SPAG1: variants seen among roughly 807,000 people sequenced by gnomAD.
SPAG1 encodes sperm-associated antigen 1.
Under a neutral mutation model 100.5 loss-of-function variants are expected in SPAG1, and 69 were observed. The observed-to-expected ratio is 0.69, with a 90% confidence interval of 0.57 to 0.84. The LOEUF (loss-of-function observed/expected upper bound fraction) is 0.84. Ranked by LOEUF, SPAG1 falls within the 40% of genes least tolerant of loss-of-function variation. The pLI is 0.00. For synonymous variants in SPAG1, 336 were observed against 411.6 expected (o/e 0.82, Z 2.22); for missense variants, 955 against 1,133.1 (o/e 0.84, Z 2.26).
chr8:100,224,026 C>A (rs933808265), intron 13 of SPAG1, among the ~76,000 whole-genome samples: 1 of 152,078 alleles, frequency 6.6e-6, no homozygotes, highest in Non-Finnish European at 1.5e-5. Flanking sequence ...GCCAGTAAAC[C>A]AATTCAGTCT....
intron 14 of SPAG1, 143 bp downstream of exon 14, chr8:100,225,482 T>C: frequency 2.7e-6 from 2 of 751,056 alleles, no homozygotes; most frequent in Non-Finnish European, 4.2e-6. Flanking sequence ...ATTTTATTAT[T>C]ATTTTGAGAC....
At position 100,183,236 on chromosome 8, in the gene SPAG1, G is replaced by A. The variant is rs1329742258; in HGVS notation, c.427-139G>A. ...GAGCTGTCCACCTCAGCCTCCCAAA[G>A]TGCTGGGATTACAGGCGTGAGTCCC... On this transcript the variant is annotated intron_variant, in intron 4 of 18. Coordinates refer to ENST00000388798, the MANE Select transcript of SPAG1 (RefSeq NM_003114.5). 1.1e-5 allele frequency: 5 copies of A among 467,352 alleles called. No homozygotes were observed. In the Admixed American group the frequency reaches 1.2e-4, roughly 11 times the overall value. The allele number at this position is 467,352 out of a possible 1,614,324, so 29.0% of individuals were successfully genotyped here. A position where few individuals can be genotyped will look rare whatever the true frequency, so the allele number is the denominator to read the frequency against.
chr8:100,194,413 C>T, intron 10 of SPAG1, 145 bp downstream of exon 10: 1 of 1,169,460 alleles, frequency 8.6e-7, no homozygotes. Context: ...TTTCGCTCAT[C>T]TTTTTCTTAA....
At chr8:100,218,739 G>T (rs1424152637) in intron 12 of SPAG1, among the ~76,000 whole-genome samples, 3 of 152,188 alleles carry the variant, frequency 2.0e-5, no homozygotes, top group Non-Finnish European at 4.4e-5. Context: ...GAGAAGTGAA[G>T]CAGATTAGGT....
intron 3 of SPAG1, among the ~76,000 whole-genome samples, chr8:100,173,330 C>A (rs1411670016): frequency 6.6e-6 from 1 of 152,034 alleles, no homozygotes; most frequent in African/African-American, 2.4e-5. Context: ...CACTTGTCCC[C>A]TTTTCTCCAT....
chr8:100,191,326 A>G, intron 8 of SPAG1, 64 bp from the exon 9 acceptor site: 2 of 1,153,472 alleles, frequency 1.7e-6, no homozygotes, highest in Non-Finnish European at 2.6e-6. Context: ...TCCACTTGCC[A>G]AATATGTTGT....
chr8:100,162,700 G>A (rs1413367769), intron 2 of SPAG1, among the ~76,000 whole-genome samples: 2 of 152,146 alleles, frequency 1.3e-5, no homozygotes, highest in Non-Finnish European at 2.9e-5. Context: ...CATTAGGATG[G>A]GCTGTGATGG....
rs746103419 is a variant in SPAG1, at chr8:100,227,911, A to G, written c.1855+2572A>G. On this transcript the variant is annotated intron_variant, in intron 14 of 18. Transcript: ENST00000388798. ...GCGCAGGCTGGGGTGCAGTGGTGCAATTTTGGCTCACTGCTGCCTCGACCT... is the reference window on the plus strand; with the variant it reads ...GCGCAGGCTGGGGTGCAGTGGTGCAGTTTTGGCTCACTGCTGCCTCGACCT... Among the ~76,000 whole-genome samples the G allele has an allele frequency of 2.1e-5, 3 of 140,676 alleles. No homozygotes were observed. The East Asian group carries it at 6.2e-4, about 29-fold the overall frequency. 92.3% of individuals were successfully genotyped at this position (140,676 alleles called of 152,430 possible).
At chr8:100,180,361 C>A (rs964113133) in intron 4 of SPAG1, among the ~76,000 whole-genome samples, 4 of 152,062 alleles carry the variant, frequency 2.6e-5, no homozygotes, top group Non-Finnish European at 4.4e-5. Flanking sequence ...CAAATTAGGG[C>A]TTGAGGTATT....
At chr8:100,212,275 A>G (rs1817748712) in intron 10 of SPAG1, among the ~76,000 whole-genome samples, 1 of 152,228 alleles carries the variant, frequency 6.6e-6, no homozygotes, top group Non-Finnish European at 1.5e-5. Flanking sequence ...TGGAAAATAT[A>G]TCCATTAAGA....
intron 12 of SPAG1, among the ~76,000 whole-genome samples, chr8:100,216,140 T>C (rs540911020): frequency 3.1e-4 from 47 of 152,296 alleles, no homozygotes; most frequent in African/African-American, 1.1e-3. Context: ...CTTTTTTCTT[T>C]ACCCAGAGAG....
chr8:100,164,580 A>G (rs1236748487), intron 2 of SPAG1, among the ~76,000 whole-genome samples: 3 of 152,092 alleles, frequency 2.0e-5, no homozygotes. Flanking sequence ...GCCTGCCACC[A>G]CGCCCGGCTA....
At chr8:100,168,944 C>T (rs1163362350) in intron 3 of SPAG1, among the ~76,000 whole-genome samples, 1 of 151,832 alleles carries the variant, frequency 6.6e-6, no homozygotes, top group Non-Finnish European at 1.5e-5. Context: ...ATCTCGGCCT[C>T]CCAAAGTGCG....
intron 15 of SPAG1, among the ~76,000 whole-genome samples, chr8:100,232,258 G>A (rs1818808050): frequency 2.0e-5 from 3 of 152,238 alleles, no homozygotes; most frequent in South Asian, 2.1e-4. Context: ...TGCGGAGGAG[G>A]AGGCTGGCAG....
At chr8:100,213,493 C>A (rs971755065) in intron 11 of SPAG1, 65 bp downstream of exon 11, 2 of 1,256,022 alleles carry the variant, frequency 1.6e-6, no homozygotes, top group African/African-American at 1.6e-5. Context: ...ACCTCCGGGG[C>A]CCCCGTGGGA....
chr8:100,165,517 G>A (rs1815508955), intron 2 of SPAG1: 2 of 369,504 alleles, frequency 5.4e-6, no homozygotes, highest in East Asian at 6.4e-5. Flanking sequence ...CCAACTCCGC[G>A]GAGCAACCCC....
At chr8:100,185,932 C>A (rs1362333769) in intron 7 of SPAG1, among the ~76,000 whole-genome samples, 1 of 152,004 alleles carries the variant, frequency 6.6e-6, no homozygotes, top group African/African-American at 2.4e-5. Context: ...ACCAGAGATT[C>A]TCTTGTCTAT....
chr8:100,185,725 T>A (rs1285196129), intron 7 of SPAG1, among the ~76,000 whole-genome samples: 1 of 152,228 alleles, frequency 6.6e-6, no homozygotes, highest in Non-Finnish European at 1.5e-5. Context: ...CTCTGTACAA[T>A]CTTTTTTCCA....
At chr8:100,238,670 T>A (rs753492004) in intron 16 of SPAG1, among the ~76,000 whole-genome samples, 3 of 152,224 alleles carry the variant, frequency 2.0e-5, no homozygotes, top group African/African-American at 7.2e-5. Flanking sequence ...ATGTTGACTC[T>A]AGCCAATTCG....
Sources: allele counts gnomAD v4.1 joint callset (sites outside exome capture counted in the v4.1 genomes callset), GRCh38; gene constraint gnomAD v4.1.1; transcripts MANE v1.5; gene names NCBI Gene and HGNC (gene_info 2026-07-23, HGNC 2026-07-21).